Variants in RYR1 observed in about 807,000 individuals in gnomAD.
RYR1 encodes the protein ryanodine receptor 1.
A neutral mutation model predicts 583.5 loss-of-function variants in RYR1; 342 were observed. The ratio of observed to expected loss-of-function variants is 0.59; its 90% CI spans 0.54 to 0.64. The LOEUF is 0.64. Among genes scored for constraint, RYR1 ranks in the 30% least tolerant of loss-of-function variants. RYR1 has a pLI of 0.00. For missense variants in RYR1, 6,032 were observed against 6,917.2 expected (o/e 0.87, Z 4.54); for synonymous variants, 2,791 against 2,822.5 (o/e 0.99, Z 0.35).
At chr19:38,534,584 G>T in intron 78 of RYR1, 136 bp from the exon 79 acceptor site, 2 of 755,078 alleles carry the variant, frequency 2.6e-6, no homozygotes, top group South Asian at 3.0e-5. Flanking sequence ...GAGCCCCAGG[G>T]GATGGAGGGA....
chr19:38,581,068 T>C (rs1974182775), intron 101 of RYR1, among the ~76,000 whole-genome samples: 1 of 151,776 alleles, frequency 6.6e-6, no homozygotes, highest in Admixed American at 6.6e-5. Flanking sequence ...CCAGATACTT[T>C]TTGTATTCTT....
rs755502084 is a variant in RYR1 at position 38,502,739 on chromosome 19, C to A, written c.7835+12C>A. On this transcript the variant is annotated intron_variant, in intron 48 of 105. Transcript: ENST00000359596. ...ATGTCGCTCTGCAGGTGGAGCGGGGCAGGCTTCAGGGTGGGGCAGGGGCAG... is the reference window on the plus strand; with the variant it reads ...ATGTCGCTCTGCAGGTGGAGCGGGGAAGGCTTCAGGGTGGGGCAGGGGCAG... 8.0e-6 allele frequency: 11 copies of A among 1,367,478 alleles called. No individual in the cohort carries two copies. The highest frequency in any genetic ancestry group is 1.2e-5 in the South Asian group (1 of 82,162). 84.7% of individuals were successfully genotyped at this position (1,367,478 alleles called of 1,614,324 possible).
chr19:38,565,871 G>T lies in RYR1; in HGVS notation c.13437+100G>T. 7.8e-7 allele frequency: 1 copy of T among 1,275,988 alleles called. No homozygotes were observed. Among genetic ancestry groups the T allele is most frequent in the African/African-American group, 1.6e-5 (1 of 64,052 alleles). 79.0% of individuals were successfully genotyped at this position (1,275,988 alleles called of 1,614,324 possible). A position where few individuals can be genotyped will look rare whatever the true frequency, so the allele number is the denominator to read the frequency against. On this transcript the variant is annotated intron_variant, in intron 91 of 105. Coordinates refer to ENST00000359596, the MANE Select transcript of RYR1 (RefSeq NM_000540.3). This position sits in a 1 kb window ranked among gnomAD's most constrained non-coding sequence, Gnocchi z 4.7. ...GAGACACACACAGAGGAGAGAACTG[G>T]CTAGGGGGATGGGCACACGCACCCA...
chr19:38,579,995 T>G lies in RYR1; in HGVS notation c.14378T>G (p.Leu4793Arg), dbSNP rs118192179. ...GTGTGCCCACAGTCCTTCCTGTACC[T>G]GGGCTGGTATATGGTGATGTCCCTC... ...VIFTDNSFLY[L>R]GWYMVMSLLG... The change falls in exon 100 of 106, where the codon CTG becomes CGG. Residue 4793 changes from leucine to arginine, a missense_variant. By Grantham distance (102) the Leu-to-Arg change is moderately radical (BLOSUM62 -2). Around this residue, in one of 11 missense-constraint regions of RYR1, gnomAD observed 189 missense variants for 350.3 expected, o/e 0.54. Coordinates refer to ENST00000359596, the MANE Select transcript of RYR1 (RefSeq NM_000540.3). 10 of 1,614,140 alleles carry G rather than the reference T, an allele frequency of 6.2e-6. No individual in the cohort carries two copies. The highest frequency in any genetic ancestry group is 7.6e-6 in the Non-Finnish European group (9 of 1,180,008).
At chr19:38,530,545 C>T (rs1600943612) in intron 76 of RYR1, among the ~76,000 whole-genome samples, 1 of 151,786 alleles carries the variant, frequency 6.6e-6, no homozygotes, top group South Asian at 2.1e-4. Context: ...GTTGGGATTA[C>T]AGGCATGAGC....
intron 1 of RYR1, among the ~76,000 whole-genome samples, chr19:38,439,287 C>A (rs1424349117): frequency 1.3e-5 from 2 of 151,864 alleles, no homozygotes; most frequent in East Asian, 1.9e-4. Flanking sequence ...GCAACCTCCA[C>A]CTCCCAGGCT....
chr19:38,542,263 ACC>A (rs1360314434), intron 84 of RYR1, among the ~76,000 whole-genome samples: 1 of 152,062 alleles, frequency 6.6e-6, no homozygotes, highest in African/African-American at 2.4e-5. Flanking sequence ...TGAACAAGTG[ACC>A]AATCCATATG....
chr19:38,560,978 C>T, intron 89 of RYR1, 135 bp from the exon 90 acceptor site: 1 of 759,886 alleles, frequency 1.3e-6, no homozygotes, highest in Non-Finnish European at 2.1e-6. Context: ...TGTCTTGAGG[C>T]TGGGTTGAGC....
chr19:38,463,420 T>C lies in RYR1; in HGVS notation c.2578-3T>C. The C allele has an allele frequency of 1.2e-6, 2 of 1,613,644 alleles. No individual in the cohort carries two copies. Among genetic ancestry groups the C allele is most frequent in the Non-Finnish European group, 1.7e-6 (2 of 1,179,802 alleles). On this transcript the variant is annotated splice_polypyrimidine_tract_variant and splice_region_variant and intron_variant, in intron 20 of 105. Transcript: ENST00000359596. The stretch of plus-strand genomic sequence containing the variant: ...GGTCTCAAGAACGTCCCTCTGCCTC[T>C]AGATTGTCCTGCCGCCCCATCTGGA...
Position 38,517,158 on chromosome 19 carries a change from G to A in RYR1, c.9686-201G>A, listed in dbSNP as rs147890607. ...GAGCAGACAGGCTCGGGGGTGTGAAGTGTTTGCGGGGCCACTGAGTTTCAA... is the reference window on the plus strand; with the variant it reads ...GAGCAGACAGGCTCGGGGGTGTGAAATGTTTGCGGGGCCACTGAGTTTCAA... On this transcript the variant is annotated intron_variant, in intron 65 of 105. Coordinates refer to ENST00000359596, the MANE Select transcript of RYR1 (RefSeq NM_000540.3). 5.2e-3 allele frequency among the ~76,000 whole-genome samples: 785 copies of A among 152,170 alleles called. 5 individuals carry two copies. Among genetic ancestry groups the A allele is most frequent in the African/African-American group, 0.018 (753 of 41,502 alleles).
chr19:38,438,779 C>T (rs1401439859), intron 1 of RYR1, among the ~76,000 whole-genome samples: 4 of 151,658 alleles, frequency 2.6e-5, no homozygotes, highest in Non-Finnish European at 4.4e-5. Context: ...CCACCACACC[C>T]GGCTAATTTT....
Position 38,477,730 on chromosome 19 carries a change from C to T in RYR1, c.4314C>T (p.Val1438=). 6.2e-7 allele frequency: 1 copy of T among 1,614,150 alleles called. No individual in the cohort carries two copies. Among genetic ancestry groups the T allele is most frequent in the African/African-American group, 1.3e-5 (1 of 75,048 alleles). The change falls in exon 30 of 106, where the codon GTC becomes GTT. Residue 1438 remains valine, a synonymous_variant. Coordinates refer to ENST00000359596, the MANE Select transcript of RYR1 (RefSeq NM_000540.3). ...NTTTYYYSVR[V]FAGQEPSCVW... is the part of the protein sequence containing the mutation. ...ACCAGTACTATTACTCCGTGAGGGT[C>T]TTTGCTGGACAGGAGCCCAGCTGCG... is the stretch of plus-strand genomic sequence containing the variant.
Position 38,444,149 on chromosome 19 carries a change from G to A in RYR1, c.425G>A (p.Gly142Glu), listed in dbSNP as rs1568435830. The change falls in exon 6 of 106, where the codon GGA (glycine) becomes GAA (glutamate). Residue 142 changes from glycine to glutamate, a missense_variant and splice_region_variant. Transcript: ENST00000359596. This position sits in a 1 kb window ranked among gnomAD's most constrained non-coding sequence, Gnocchi z 5.1. The part of the protein sequence containing the change: ...FDVGLQEDAT[G>E]EACWWTMHPA... Reference sequence around the variant, plus strand: ...ACCCCCATTCCATCCCCACCCATAGGAGAGGCTTGCTGGTGGACCATGCAC... The same window carrying A: ...ACCCCCATTCCATCCCCACCCATAGAAGAGGCTTGCTGGTGGACCATGCAC... The A allele has an allele frequency of 6.2e-7, 1 of 1,613,296 alleles. No individual in the cohort carries two copies. Among genetic ancestry groups the A allele is most frequent in the African/African-American group, 1.3e-5 (1 of 74,844 alleles).
chr19:38,442,681 C>T (rs1001957469), intron 3 of RYR1, among the ~76,000 whole-genome samples: 4 of 152,144 alleles, frequency 2.6e-5, no homozygotes, highest in Admixed American at 6.5e-5. Context: ...CAGGCAGGCC[C>T]GTCTCTCAGG....
chr19:38,547,056 T>C (rs975379217), intron 88 of RYR1, among the ~76,000 whole-genome samples: 2 of 151,088 alleles, frequency 1.3e-5, no homozygotes, highest in African/African-American at 4.9e-5. Context: ...TTTTCTTTTC[T>C]GAGACGGAGT....
intron 83 of RYR1, among the ~76,000 whole-genome samples, chr19:38,537,568 A>G (rs1345009271): frequency 1.3e-5 from 2 of 152,182 alleles, no homozygotes; most frequent in African/African-American, 4.8e-5. Flanking sequence ...CTGCTAGGTC[A>G]GCAGACTCTC....
chr19:38,490,256 C>T lies in RYR1; in HGVS notation c.5995C>T (p.Arg1999Cys), dbSNP rs767508472. 6.8e-6 allele frequency: 11 copies of T among 1,613,874 alleles called. No homozygotes were observed. Among genetic ancestry groups the T allele is most frequent in the South Asian group, 5.5e-5 (5 of 91,068 alleles). ...AETARRTREF[R>C]SPPQEQINML... ...GACTGCAAGACGTACCCGCGAGTTC[C>T]GCTCCCCACCCCAGGAACAGGTCAT... Residue 1999 changes from arginine to cysteine, a missense_variant, in exon 36 of 106, where the codon CGC (arginine) becomes TGC (cysteine). Physicochemically the swap from Arg to Cys is radical, Grantham distance 180. Around this residue, in one of 11 missense-constraint regions of RYR1, gnomAD observed 2,627 missense variants for 2,961.3 expected, o/e 0.89. Transcript: ENST00000359596.
At chr19:38,468,207 T>TCATCCATC (rs561219158) in intron 25 of RYR1, among the ~76,000 whole-genome samples, 13 of 148,808 alleles carry the variant, frequency 8.7e-5, no homozygotes, top group African/African-American at 3.0e-4. Context: ...TATAGTCCCA[T>TCATCCATC]CATCCATCCA....
rs145434723 is a variant in RYR1 at position 38,466,331 on chromosome 19, C to T, written c.3111C>T (p.Ser1037=). Residue 1037 remains serine (S), a synonymous_variant, in exon 24 of 106, where the codon AGC becomes AGT. Coordinates refer to ENST00000359596, the MANE Select transcript of RYR1 (RefSeq NM_000540.3). Reference sequence around the variant, plus strand: ...CCACCAAGCGCAGCAACCGGGACAGCCTCTGCCAGGCCGTGCGCACCCTCC... The same window carrying T: ...CCACCAAGCGCAGCAACCGGGACAGTCTCTGCCAGGCCGTGCGCACCCTCC... ...DEATKRSNRD[S]LCQAVRTLLG... The T allele has an allele frequency of 4.3e-4, 688 of 1,603,884 alleles. 7 individuals are homozygous for T. In the Middle Eastern group the frequency reaches 0.011, roughly 27 times the overall value.
Sources: gnomAD v4.1 joint callset for allele counts (sites outside exome capture counted in the v4.1 genomes callset) on GRCh38, gnomAD v4.1.1 for gene constraint, gnomAD v4.1.1 regional missense constraint, Gnocchi (gnomAD v3.1) non-coding constraint, MANE v1.5 for transcripts, NCBI Gene and HGNC (gene_info 2026-07-23, HGNC 2026-07-21) for gene names.